Variants in DGKH observed in about 807,000 individuals in gnomAD.
DGKH encodes DAG kinase eta.
In DGKH, 90 loss-of-function variants were observed where a neutral mutation model predicts 159.3. The observed-to-expected ratio is 0.57, with a 90% CI of 0.48 to 0.67. DGKH has a LOEUF of 0.67. Among genes scored for constraint, DGKH ranks in the 30% least tolerant of loss-of-function variants. DGKH has a pLI of 0.00. For synonymous variants in DGKH, 536 were observed against 553.8 expected (o/e 0.97, Z 0.45); for missense variants, 1,181 against 1,506.1 (o/e 0.78, Z 3.57).
chr13:42,126,601 AG>A (rs1423928264), intron 1 of DGKH, among the ~76,000 whole-genome samples: 4 of 152,228 alleles, frequency 2.6e-5, no homozygotes, highest in Non-Finnish European at 4.4e-5. Flanking sequence ...CCAGGGCCAC[AG>A]AGTCCCTGCC....
intron 11 of DGKH, among the ~76,000 whole-genome samples, chr13:42,170,571 G>A (rs1956426330): frequency 6.6e-6 from 1 of 152,034 alleles, no homozygotes. Flanking sequence ...AATCAAAGTG[G>A]ATTCAGAAAC....
intron 1 of DGKH, among the ~76,000 whole-genome samples, chr13:42,075,377 T>C (rs1954075220): frequency 6.6e-6 from 1 of 152,194 alleles, no homozygotes; most frequent in Admixed American, 6.5e-5. Flanking sequence ...ATTTATTTCA[T>C]CATGAAAGTG....
At chr13:42,177,983 T>C (rs545618368) in intron 12 of DGKH, 152 bp from the exon 13 acceptor site, 9 of 412,370 alleles carry the variant, frequency 2.2e-5, no homozygotes, top group Admixed American at 1.7e-4. Flanking sequence ...AAAGGAAATA[T>C]CTATTTTGCA....
chr13:42,148,328 C>T (rs1955789160), intron 3 of DGKH, among the ~76,000 whole-genome samples: 1 of 152,178 alleles, frequency 6.6e-6, no homozygotes, highest in African/African-American at 2.4e-5. Flanking sequence ...ATGATTTCAA[C>T]TCCAAACATG....
chr13:42,069,967 A>G (rs1566085268), intron 1 of DGKH: 2 of 742,130 alleles, frequency 2.7e-6, no homozygotes, highest in South Asian at 1.7e-5. Context: ...AACTTCATCA[A>G]TATCAAAGTT....
chr13:42,177,711 A>G (rs61959235), intron 12 of DGKH, among the ~76,000 whole-genome samples: 19,431 of 152,132 alleles, frequency 0.13, 1,615 homozygotes, highest in Admixed American at 0.22. Flanking sequence ...GTGGTACTGC[A>G]TTGTGGTTTT....
chr13:42,182,279 T>C (rs9525590), intron 13 of DGKH, among the ~76,000 whole-genome samples: 141,521 of 152,314 alleles, frequency 0.93, 66,084 homozygotes, highest in Non-Finnish European at 0.97. Context: ...TACTTCCCAC[T>C]GTACCCATCA....
In DGKH at chr13:42,231,214, T is replaced by A. The variant is rs1958284896; in HGVS notation, c.*2026T>A. The A allele has an allele frequency of 6.6e-6, 1 of 151,954 alleles. No individual in the cohort carries two copies. Among genetic ancestry groups the A allele is most frequent in the African/African-American group, 2.4e-5 (1 of 41,290 alleles). 9.4% of individuals were successfully genotyped at this position (151,954 alleles called of 1,614,324 possible). Reference sequence around the variant, plus strand: ...ACTAAAAATACAAAAATTAGCCGGGTGTGGTGGCACGCACCTGTAATCCCA... The same window carrying A: ...ACTAAAAATACAAAAATTAGCCGGGAGTGGTGGCACGCACCTGTAATCCCA... On this transcript the variant is annotated 3_prime_UTR_variant, in exon 30 of 30. Transcript: ENST00000337343.
At chr13:42,158,064 G>T (rs537631157) in intron 5 of DGKH, among the ~76,000 whole-genome samples, 1 of 152,156 alleles carries the variant, frequency 6.6e-6, no homozygotes, top group Non-Finnish European at 1.5e-5. Flanking sequence ...TGGCCTAGAC[G>T]AATATTTTTC....
At chr13:42,071,372 G>A (rs1175871296) in intron 1 of DGKH, among the ~76,000 whole-genome samples, 1 of 152,224 alleles carries the variant, frequency 6.6e-6, no homozygotes, top group Non-Finnish European at 1.5e-5. Flanking sequence ...GACATTTAAA[G>A]AAGACACTCA....
At chr13:42,101,019 C>T (rs776266891) in intron 1 of DGKH, among the ~76,000 whole-genome samples, 1 of 152,232 alleles carries the variant, frequency 6.6e-6, no homozygotes, top group Non-Finnish European at 1.5e-5. Flanking sequence ...ACTCTCCTCA[C>T]TAGCTGTTGA....
At chr13:42,060,402 G>A (rs190481332) in intron 1 of DGKH, among the ~76,000 whole-genome samples, 14 of 152,176 alleles carry the variant, frequency 9.2e-5, no homozygotes, top group Admixed American at 9.2e-4. Flanking sequence ...CTGAGATCTG[G>A]GCCTCTAGTT....
intron 3 of DGKH, among the ~76,000 whole-genome samples, chr13:42,132,197 C>T (rs944588033): frequency 4.6e-5 from 7 of 152,100 alleles, no homozygotes; most frequent in East Asian, 3.9e-4. Flanking sequence ...AGTGATGTTT[C>T]GATATATGCA....
intron 1 of DGKH, chr13:42,066,608 T>C (rs2137681084): frequency 6.6e-6 from 1 of 152,318 alleles, no homozygotes; most frequent in East Asian, 1.9e-4. Context: ...TATGTAATTT[T>C]TCACATGTGA....
At chr13:42,188,613 T>C (rs965551573) in intron 14 of DGKH, among the ~76,000 whole-genome samples, 1 of 152,224 alleles carries the variant, frequency 6.6e-6, no homozygotes, top group Admixed American at 6.5e-5. Flanking sequence ...TTTGTGTAAT[T>C]TTTTATATAA....
At chr13:42,249,371 A>G (rs1958603869) in intron 29 of DGKH, among the ~76,000 whole-genome samples, 1 of 152,186 alleles carries the variant, frequency 6.6e-6, no homozygotes, top group Admixed American at 6.5e-5. Context: ...AGATCATGCC[A>G]CTGCACTCCT....
intron 16 of DGKH, among the ~76,000 whole-genome samples, chr13:42,191,804 G>A (rs1238361134): frequency 6.6e-6 from 1 of 152,112 alleles, no homozygotes; most frequent in Non-Finnish European, 1.5e-5. Context: ...AACTTAATAA[G>A]TAAAAGAAAG....
downstream of DGKH, among the ~76,000 whole-genome samples, chr13:42,245,821 G>A (rs568771158): frequency 6.6e-6 from 1 of 152,278 alleles, no homozygotes; most frequent in South Asian, 2.1e-4. Flanking sequence ...CTGACCTCAT[G>A]ATCCGCCTGC....
intron 7 of DGKH, among the ~76,000 whole-genome samples, chr13:42,160,507 A>G (rs568376385): frequency 6.6e-6 from 1 of 152,352 alleles, no homozygotes; most frequent in South Asian, 2.1e-4. Context: ...TAAATTTGCT[A>G]CAACCCTACC....
Sources: gnomAD v4.1 joint callset for allele counts (sites outside exome capture counted in the v4.1 genomes callset) on GRCh38, gnomAD v4.1.1 for gene constraint, MANE v1.5 for transcripts, NCBI Gene and HGNC (gene_info 2026-07-23, HGNC 2026-07-21) for gene names.